Variants in PTPRN2 observed in about 807,000 individuals in gnomAD.
PTPRN2 encodes protein tyrosine phosphatase receptor type N2.
A neutral mutation model predicts 118.8 loss-of-function variants in PTPRN2; 74 were observed. The observed-to-expected ratio is 0.62, with a 90% CI of 0.52 to 0.76. The LOEUF is 0.76. Among genes scored for constraint, PTPRN2 ranks in the 30% least tolerant of loss-of-function variants. The probability of loss-of-function intolerance (pLI) is 0.00; values close to 1 mark genes in which losing one functional copy is unlikely to be tolerated. For missense variants in PTPRN2, 1,481 were observed against 1,394.4 expected, an observed-to-expected ratio of 1.06 and a Z score of -0.99; for synonymous variants, 641 against 608.0, an observed-to-expected ratio of 1.05 and a Z score of -0.80.
intron 11 of PTPRN2, among the ~76,000 whole-genome samples, chr7:158,074,974 C>T (rs1394354164): frequency 6.6e-6 from 1 of 152,204 alleles, no homozygotes; most frequent in African/African-American, 2.4e-5. Flanking sequence ...CCACATGCGG[C>T]TCCTGGCGTT....
intron 2 of PTPRN2, among the ~76,000 whole-genome samples, chr7:158,331,806 C>A (rs1357684765): frequency 2.0e-4 from 30 of 150,630 alleles, no homozygotes; most frequent in African/African-American, 7.0e-4. Flanking sequence ...CTCACACCCA[C>A]ACTGTCACCC....
At chr7:158,251,710 A>G (rs1352034246) in intron 3 of PTPRN2, among the ~76,000 whole-genome samples, 1 of 151,534 alleles carries the variant, frequency 6.6e-6, no homozygotes, top group African/African-American at 2.4e-5. Flanking sequence ...TGTGCAATGG[A>G]TGTCTATGGT....
At chr7:158,479,424 C>T (rs10231521) in intron 2 of PTPRN2, among the ~76,000 whole-genome samples, 29,535 of 152,046 alleles carry the variant, frequency 0.19, 2,970 homozygotes, top group South Asian at 0.26. Flanking sequence ...TGAACGCTTC[C>T]GTTGGATGAG....
intron 2 of PTPRN2, among the ~76,000 whole-genome samples, chr7:158,404,640 G>A (rs1036681546): frequency 9.2e-5 from 14 of 152,024 alleles, no homozygotes; most frequent in African/African-American, 2.4e-4. Context: ...TGCAGTCCTC[G>A]GCCTCCAGCT....
rs547250654 is a variant in PTPRN2 at position 157,546,397 on chromosome 7, C to T, written c.2976+2549G>A. Among the ~76,000 whole-genome samples, 5 of 152,340 alleles carry T rather than the reference C, an allele frequency of 3.3e-5. No homozygotes were observed. The South Asian group carries it at 1.0e-3, about 32-fold the overall frequency. On this transcript the variant is annotated intron_variant, in intron 22 of 22. Transcript: ENST00000389418. ...TCCATCACCGAGGAATTAAGCTCCG[C>T]ATGCATTAGCTATCATCCTGATGCT...
At position 158,071,749 on chromosome 7, in the gene PTPRN2, TGGTGGAGGTGCTC is replaced by T. The variant is rs1563393292; in HGVS notation, c.1723+9536_1723+9548del. 1.8e-3 allele frequency among the ~76,000 whole-genome samples: 250 copies of T among 137,956 alleles called. 12 individuals carry two copies. Among genetic ancestry groups the T allele is most frequent in the African/African-American group, 5.9e-3 (204 of 34,622 alleles). 90.5% of individuals were successfully genotyped at this position (137,956 alleles called of 152,430 possible). On this transcript the variant is annotated intron_variant, in intron 11 of 22. Transcript: ENST00000389418. Reference sequence around the variant, plus strand: ...GTGCTCGTGGTGGTGGAGGTGCTCATGGTGGAGGTGCTCGTGGTGATGGAGGTGCTTGTGGTGG... The same window carrying T: ...GTGCTCGTGGTGGTGGAGGTGCTCATGTGGTGATGGAGGTGCTTGTGGTGG...
intron 3 of PTPRN2, among the ~76,000 whole-genome samples, chr7:158,231,123 C>T (rs3965316): frequency 0.48 from 72,329 of 151,856 alleles, 18,031 homozygotes; most frequent in African/African-American, 0.63. Flanking sequence ...AAAAATTAGC[C>T]GGGCATGGTG....
intron 12 of PTPRN2, among the ~76,000 whole-genome samples, chr7:157,786,537 G>A (rs1348946321): frequency 6.6e-6 from 1 of 152,202 alleles, no homozygotes; most frequent in Non-Finnish European, 1.5e-5. Context: ...CCTTGAGGCT[G>A]GAAGCACAGA....
chr7:158,083,619 C>T (rs1463284968), intron 10 of PTPRN2, among the ~76,000 whole-genome samples: 1 of 152,228 alleles, frequency 6.6e-6, no homozygotes. Flanking sequence ...GTGGGGGCCG[C>T]AGGAGAGGCC....
At position 158,147,363 on chromosome 7, in the gene PTPRN2, T is replaced by C. The variant is rs1292351528; in HGVS notation, c.911-8848A>G. On this transcript the variant is annotated intron_variant, in intron 6 of 22. Transcript: ENST00000389418. ...CACCCCATCTCACGCCACGTATCTT[T>C]CCCCCTCAATGACACCCCATCTCAC... Among the ~76,000 whole-genome samples the C allele has an allele frequency of 4.3e-4, 20 of 46,508 alleles. 1 individual carries two copies. The highest frequency in any genetic ancestry group is 5.7e-4 in the African/African-American group (4 of 6,978). The allele number at this position is 46,508 out of a possible 152,430, so 30.5% of individuals were successfully genotyped here.
intron 10 of PTPRN2, among the ~76,000 whole-genome samples, chr7:158,109,107 G>A (rs1173854137): frequency 1.3e-5 from 2 of 151,740 alleles, no homozygotes; most frequent in African/African-American, 2.4e-5. Flanking sequence ...AGGAGCCAGT[G>A]AGTGAATGAC....
intron 11 of PTPRN2, among the ~76,000 whole-genome samples, chr7:158,054,651 G>A (rs561995347): frequency 5.1e-4 from 78 of 152,250 alleles, no homozygotes; most frequent in African/African-American, 1.7e-3. Flanking sequence ...CAGTAATGGG[G>A]GTGCATGCAC....
At chr7:157,910,210 C>T (rs1324639615) in intron 11 of PTPRN2, among the ~76,000 whole-genome samples, 4 of 151,170 alleles carry the variant, frequency 2.6e-5, no homozygotes, top group Non-Finnish European at 1.5e-5. Context: ...TGCAGGATCA[C>T]GCACGTACAC....
intron 2 of PTPRN2, among the ~76,000 whole-genome samples, chr7:158,341,009 T>C (rs1329111093): frequency 4.3e-4 from 18 of 41,520 alleles, no homozygotes; most frequent in South Asian, 1.4e-3. Flanking sequence ...AGGTGAAACC[T>C]GCAGACGTCA....
chr7:158,463,179 G>C (rs1819125406), intron 2 of PTPRN2, among the ~76,000 whole-genome samples: 1 of 152,152 alleles, frequency 6.6e-6, no homozygotes, highest in African/African-American at 2.4e-5. Flanking sequence ...GGCAACACCA[G>C]GTAGACCAAG....
At chr7:157,850,144 C>T (rs754011430) in intron 12 of PTPRN2, among the ~76,000 whole-genome samples, 14 of 152,178 alleles carry the variant, frequency 9.2e-5, no homozygotes, top group Non-Finnish European at 1.5e-4. Flanking sequence ...CAGGTTATCC[C>T]CTCTCCACCC....
chr7:157,734,119 C>T, intron 12 of PTPRN2, among the ~76,000 whole-genome samples: 1 of 109,318 alleles, frequency 9.1e-6, no homozygotes, highest in African/African-American at 3.6e-5. Flanking sequence ...ATGCGCCCAG[C>T]ACAGTTACCC....
intron 1 of PTPRN2, among the ~76,000 whole-genome samples, chr7:158,501,986 C>G (rs1481691622): frequency 6.6e-6 from 1 of 152,168 alleles, no homozygotes; most frequent in East Asian, 1.9e-4. Flanking sequence ...AGTGTCAGCA[C>G]TGAACACAAA....
chr7:158,149,060 T>A (rs78431244), intron 6 of PTPRN2, among the ~76,000 whole-genome samples: 4 of 13,326 alleles, frequency 3.0e-4, no homozygotes, highest in South Asian at 2.9e-3. Context: ...CCCCATCTCA[T>A]GCCACGTGTC....
Sources: gnomAD v4.1 joint callset for allele counts (sites outside exome capture counted in the v4.1 genomes callset) on GRCh38, gnomAD v4.1.1 for gene constraint, MANE v1.5 for transcripts, NCBI Gene and HGNC (gene_info 2026-07-23, HGNC 2026-07-21) for gene names.